CYP27C1: variants seen among roughly 807,000 people sequenced by gnomAD.
CYP27C1 encodes cytochrome P450 27C1.
Under a neutral mutation model 40.6 loss-of-function variants are expected in CYP27C1, and 29 were observed. The ratio of observed to expected loss-of-function variants is 0.71; its 90% confidence interval spans 0.53 to 0.97. The LOEUF (loss-of-function observed/expected upper bound fraction) is 0.97. Among genes scored for constraint, CYP27C1 ranks in the 50% least tolerant of loss-of-function variants. The probability of loss-of-function intolerance (pLI) is 0.00; values close to 1 mark genes in which losing one functional copy is unlikely to be tolerated. For missense variants in CYP27C1, 390 were observed against 485.8 expected, an observed-to-expected ratio of 0.80 and a Z score of 1.85; for synonymous variants, 198 against 186.8, an observed-to-expected ratio of 1.06 and a Z score of -0.49.
chr2:127,188,688 G>C (rs1228803959), intron 8 of CYP27C1, among the ~76,000 whole-genome samples: 2 of 145,286 alleles, frequency 1.4e-5, no homozygotes, highest in Admixed American at 1.3e-4. Context: ...CATTTCTATA[G>C]TTCAAAAGCA....
intron 2 of CYP27C1, among the ~76,000 whole-genome samples, chr2:127,204,589 GAA>G (rs1210028013): frequency 2.1e-5 from 2 of 94,698 alleles, no homozygotes; most frequent in African/African-American, 8.8e-5. Flanking sequence ...AAGAAAGAAA[GAA>G]AGAAAGAAAG....
chr2:127,197,119 G>A (rs1479320547), intron 5 of CYP27C1, among the ~76,000 whole-genome samples: 2 of 152,164 alleles, frequency 1.3e-5, no homozygotes, highest in Non-Finnish European at 2.9e-5. Context: ...ACCACCAGGG[G>A]ACAGGAGGCA....
In CYP27C1 at chr2:127,195,402, G is replaced by T. The variant is rs1682878300; in HGVS notation, c.1147C>A (p.His383Asn). The change falls in exon 6 of 9, where the codon CAT becomes AAT. Residue 383 changes from histidine to asparagine, a missense_variant. Transcript: ENST00000664447. This position sits in a 1 kb window ranked among gnomAD's most constrained non-coding sequence, Gnocchi z 6.2. The stretch of plus-strand genomic sequence containing the variant: ...GGGACATCAGCTGCAGTTGGAACAT[G>T]CCTTTCCCCTAAATTCTTCACAATC... ...REIVKNLGER[H>N]VPTAADVPKV... 6.2e-7 allele frequency: 1 copy of T among 1,614,154 alleles called. No homozygotes were observed. Among genetic ancestry groups the T allele is most frequent in the Admixed American group, 1.7e-5 (1 of 60,012 alleles).
In CYP27C1 at chr2:127,205,954, T is replaced by G. The variant is rs1683218024; in HGVS notation, c.419A>C (p.Glu140Ala). The change falls in exon 2 of 9, where the codon GAG becomes GCG. Residue 140 changes from glutamate (E) to alanine (A), a missense_variant. Coordinates refer to ENST00000664447, the MANE Select transcript of CYP27C1 (RefSeq NM_001367502.1). ...CAAGTCTCGGTACTCCCGCCAGGAC[T>G]CCATGTTGGCTCTCTGGGGCGCAGC... ...EGAAPQRANM[E>A]SWREYRDLRG... 6.6e-6 allele frequency among the ~76,000 whole-genome samples: 1 copy of G among 152,144 alleles called. No homozygotes were observed. The highest frequency in any genetic ancestry group is 1.5e-5 in the Non-Finnish European group (1 of 68,012).
intron 6 of CYP27C1, among the ~76,000 whole-genome samples, chr2:127,194,228 T>C (rs1356539460): frequency 6.6e-6 from 1 of 152,160 alleles, no homozygotes; most frequent in South Asian, 2.1e-4. Flanking sequence ...CCCCATGAAA[T>C]GCATTTGGAG....
In CYP27C1 at chr2:127,186,827, T is replaced by G. The variant is rs575503276; in HGVS notation, c.*444A>C. On this transcript the variant is annotated 3_prime_UTR_variant, in exon 9 of 9. Transcript: ENST00000664447. The surrounding 1 kb of genome is among the most constrained non-coding windows in gnomAD (Gnocchi z 4.5). ...CATTCTTAATGTTCCCTCTTCAAAT[T>G]AGAAACAGTAAGTTGAAATTGCCTT... is the stretch of plus-strand genomic sequence containing the variant. The G allele has an allele frequency of 3.9e-5, 6 of 155,482 alleles. No individual in the cohort carries two copies. The East Asian group carries it at 1.1e-3, about 29-fold the overall frequency. The allele number at this position is 155,482 out of a possible 1,614,324, so 9.6% of individuals were successfully genotyped here.
intron 2 of CYP27C1, among the ~76,000 whole-genome samples, chr2:127,204,340 GGGA>G (rs1227207017): frequency 8.0e-5 from 3 of 37,572 alleles, no homozygotes; most frequent in Admixed American, 3.9e-4. Context: ...GAGGGAGGGA[GGGA>G]GGAGGGAGGG....
At chr2:127,212,977 T>G (rs940476097) in intron 1 of CYP27C1, among the ~76,000 whole-genome samples, 1 of 152,194 alleles carries the variant, frequency 6.6e-6, no homozygotes, top group Non-Finnish European at 1.5e-5. Flanking sequence ...AGTCTCAGGA[T>G]ATAAAATCAA....
At chr2:127,188,474 A>G (rs1411114048) in intron 8 of CYP27C1, among the ~76,000 whole-genome samples, 2 of 151,950 alleles carry the variant, frequency 1.3e-5, no homozygotes, top group African/African-American at 4.8e-5. Context: ...CTAACCTCCA[A>G]CGATCCTCCC....
intron 6 of CYP27C1, 91 bp from the exon 7 acceptor site, chr2:127,193,958 A>C: frequency 7.1e-7 from 1 of 1,411,052 alleles, no homozygotes; most frequent in South Asian, 1.3e-5. Flanking sequence ...TCCCATTTCC[A>C]TTAAAAATTC....
intron 1 of CYP27C1, among the ~76,000 whole-genome samples, chr2:127,214,342 T>C (rs893179723): frequency 2.0e-5 from 3 of 152,192 alleles, no homozygotes; most frequent in African/African-American, 7.2e-5. Context: ...GGAATATAAG[T>C]CATTCTACTA....
rs1405131479 is a variant in CYP27C1, at chr2:127,192,599, G to T, written c.1497+495C>A. ...TCAGTTAAACAAAGGAGACCAGCAA[G>T]AGCACCACTGTGCCTTTCCCGGGGG... is the stretch of plus-strand genomic sequence containing the variant. On this transcript the variant is annotated intron_variant, in intron 8 of 8. Transcript: ENST00000664447. 2.2e-5 allele frequency among the ~76,000 whole-genome samples: 3 copies of T among 139,266 alleles called. No homozygotes were observed. In the East Asian group the frequency reaches 6.3e-4, roughly 29 times the overall value. The allele number at this position is 139,266 out of a possible 152,430, so 91.4% of individuals were successfully genotyped here.
Position 127,209,758 on chromosome 2 carries a change from G to A in CYP27C1, c.283-3668C>T, listed in dbSNP as rs1446080434. Among the ~76,000 whole-genome samples the A allele has an allele frequency of 6.6e-6, 1 of 152,142 alleles. No individual in the cohort carries two copies. ...AGCCAAATCGACCAAGTGGAAGAAA[G>A]GATATCAGAATTTGAAGACCACCTT... is the stretch of plus-strand genomic sequence containing the variant. On this transcript the variant is annotated intron_variant, in intron 1 of 8. Coordinates refer to ENST00000664447, the MANE Select transcript of CYP27C1 (RefSeq NM_001367502.1). This position sits in a 1 kb window ranked among gnomAD's most constrained non-coding sequence, Gnocchi z 4.1.
chr2:127,191,051 G>A (rs1682759589), intron 8 of CYP27C1, among the ~76,000 whole-genome samples: 2 of 150,860 alleles, frequency 1.3e-5, no homozygotes, highest in African/African-American at 4.9e-5. Flanking sequence ...TTCGGGACCA[G>A]CCTGGCCAAC....
intron 2 of CYP27C1, among the ~76,000 whole-genome samples, chr2:127,204,612 A>G (rs920394969): frequency 5.8e-5 from 6 of 103,248 alleles, no homozygotes; most frequent in South Asian, 2.5e-4. Flanking sequence ...AAAGAAAGAA[A>G]GAAAGAAAGA....
intron 5 of CYP27C1, among the ~76,000 whole-genome samples, chr2:127,197,651 A>AC (rs1183432561): frequency 6.6e-6 from 1 of 152,100 alleles, no homozygotes; most frequent in African/African-American, 2.4e-5. Context: ...CACCAGCAGC[A>AC]CCCCAGCCCG....
chr2:127,209,941 T>G lies in CYP27C1; in HGVS notation c.283-3851A>C, dbSNP rs1683305759. ...AATGGAAACAAGCTGGAAAACACAC[T>G]TCATGATATTATCAAGGAGAACTTC... On this transcript the variant is annotated intron_variant, in intron 1 of 8. Coordinates refer to ENST00000664447, the MANE Select transcript of CYP27C1 (RefSeq NM_001367502.1). The surrounding 1 kb of genome is among the most constrained non-coding windows in gnomAD (Gnocchi z 4.1). Among the ~76,000 whole-genome samples, 1 of 152,206 alleles carries G rather than the reference T, an allele frequency of 6.6e-6. No individual in the cohort carries two copies. The highest frequency in any genetic ancestry group is 3.4e-3 in the Middle Eastern group (1 of 294).
At chr2:127,204,278 A>G (rs1683108548) in intron 2 of CYP27C1, among the ~76,000 whole-genome samples, 1 of 119,782 alleles carries the variant, frequency 8.3e-6, no homozygotes, top group African/African-American at 3.3e-5. Context: ...AAAAAAAAGA[A>G]AGAAAGAGAG....
In CYP27C1 at chr2:127,193,440, C is replaced by A. The variant is rs562457723; in HGVS notation, c.1294-143G>T. 44 of 873,592 alleles carry A rather than the reference C, an allele frequency of 5.0e-5. No homozygotes were observed. In the East Asian group the frequency reaches 1.1e-3, roughly 21 times the overall value. 54.1% of individuals were successfully genotyped at this position (873,592 alleles called of 1,614,324 possible). On this transcript the variant is annotated intron_variant, in intron 7 of 8. Transcript: ENST00000664447. ...GGTCCACTCACACCCAGGATGGCAG[C>A]CGCTCCCCCCTTCCCACTCCACACT...
Sources: allele counts gnomAD v4.1 joint callset (sites outside exome capture counted in the v4.1 genomes callset), GRCh38; gene constraint gnomAD v4.1.1; non-coding constraint Gnocchi (gnomAD v3.1); transcripts MANE v1.5; gene names NCBI Gene and HGNC (gene_info 2026-07-23, HGNC 2026-07-21).